The following OR52N4 variants were observed in gnomAD, a reference collection of about 807,000 sequenced individuals.
The protein encoded by OR52N4 is olfactory receptor family 52 subfamily N member 4.
A neutral mutation model predicts 15.0 loss-of-function variants in OR52N4; 15 were observed. The observed-to-expected ratio is 1.00, with a 90% CI of 0.67 to 1.54. The LOEUF (loss-of-function observed/expected upper bound fraction) is 1.54. Ranked by LOEUF, OR52N4 falls within the 40% of genes most tolerant of loss-of-function variation. The pLI is 0.00. For synonymous variants in OR52N4, 143 were observed against 143.7 expected, an observed-to-expected ratio of 1.00 and a Z score of 0.03; for missense variants, 421 against 394.0, an observed-to-expected ratio of 1.07 and a Z score of -0.58.
chr11:5,753,918 G>A (rs11828490), upstream of OR52N4, among the ~76,000 whole-genome samples: 26,086 of 149,434 alleles, frequency 0.17, 2,431 homozygotes, highest in East Asian at 0.25. Context: ...GCTTGAATCC[G>A]GGAGGTGGAG....
upstream of OR52N4, among the ~76,000 whole-genome samples, chr11:5,753,631 G>A (rs1267667391): frequency 1.3e-5 from 2 of 151,994 alleles, no homozygotes; most frequent in Non-Finnish European, 2.9e-5. Flanking sequence ...ATTTTTGTGG[G>A]CACATAGTAG....
chr11:5,740,675 C>T, the OR52N4 span, among the ~76,000 whole-genome samples: 3 of 125,272 alleles, frequency 2.4e-5, no homozygotes, highest in Admixed American at 7.6e-5. Context: ...GGTGTGGTGG[C>T]GCGTGCCTAT....
the OR52N4 span, chr11:5,737,413 T>A: frequency 6.2e-7 from 1 of 1,614,068 alleles, no homozygotes; most frequent in South Asian, 1.1e-5. Context: ...ACCCTACAGT[T>A]TATGCACTTC....
chr11:5,746,768 GTT>G, the OR52N4 span, among the ~76,000 whole-genome samples: 1 of 152,002 alleles, frequency 6.6e-6, no homozygotes, highest in African/African-American at 2.4e-5. Context: ...TAGAACCACA[GTT>G]TGAACCATTA....
At chr11:5,751,249 T>C (rs1345726462), upstream of OR52N4, among the ~76,000 whole-genome samples, 1 of 152,054 alleles carries the variant, frequency 6.6e-6, no homozygotes, top group Non-Finnish European at 1.5e-5. Context: ...TGATGAAATC[T>C]TATACTGCAT....
At chr11:5,736,901 T>G in the OR52N4 span, 1 of 1,614,050 alleles carries the variant, frequency 6.2e-7, no homozygotes. Context: ...CTGCATGGCT[T>G]TTGATAGATA....
upstream of OR52N4, among the ~76,000 whole-genome samples, chr11:5,749,565 C>T (rs1854146727): frequency 1.3e-5 from 2 of 151,878 alleles, no homozygotes; most frequent in African/African-American, 4.8e-5. Context: ...AGAATATTTA[C>T]CCATTACTCT....
At position 5,755,575 on chromosome 11, in the gene OR52N4, G is replaced by A. The variant is rs749683698; in HGVS notation, c.835G>A (p.Val279Ile). The change falls in exon 2 of 2, where the codon GTA becomes ATA. Residue 279 changes from valine to isoleucine, a missense_variant. Coordinates refer to ENST00000641350, the MANE Select transcript of OR52N4 (RefSeq NM_001005175.5). ...AATCCCCCCTTCTTGCCACATCATT[G>A]TAGCCAATATTTATCTGCTCCTACC... ...HIIPPSCHII[V>I]ANIYLLLPPT... The A allele has an allele frequency of 1.4e-5, 22 of 1,612,958 alleles. No homozygotes were observed. The African/African-American group carries it at 2.5e-4, about 19-fold the overall frequency.
At chr11:5,749,468 T>C (rs900697416), upstream of OR52N4, among the ~76,000 whole-genome samples, 8 of 151,978 alleles carry the variant, frequency 5.3e-5, no homozygotes, top group Admixed American at 3.9e-4. Context: ...TGTGTATTTC[T>C]CTGTTTAAAT....
chr11:5,754,942 C>A lies in OR52N4; in HGVS notation c.202C>A (p.Leu68Ile). Reference protein sequence around the residue: ...HKPMYYFLAMLSFTDLVMCSS... With the variant: ...HKPMYYFLAMISFTDLVMCSS... ...ACCCATGTACTACTTCTTGGCCATGCTTTCCTTTACTGACCTTGTTATGTG... is the reference window on the plus strand; with the variant it reads ...ACCCATGTACTACTTCTTGGCCATGATTTCCTTTACTGACCTTGTTATGTG... Residue 68 changes from leucine to isoleucine, a missense_variant, in exon 2 of 2, where the codon CTT (leucine) becomes ATT (isoleucine). Physicochemically the swap from Leu to Ile is conservative, Grantham distance 5 (BLOSUM62 2). Transcript: ENST00000641350. The A allele has an allele frequency of 6.2e-7, 1 of 1,613,830 alleles. No individual in the cohort carries two copies. Among genetic ancestry groups the A allele is most frequent in the Non-Finnish European group, 8.5e-7 (1 of 1,179,828 alleles).
upstream of OR52N4, among the ~76,000 whole-genome samples, chr11:5,749,561 T>C (rs537317302): frequency 2.6e-5 from 4 of 152,030 alleles, no homozygotes; most frequent in South Asian, 6.2e-4. Context: ...CTAGAGAATA[T>C]TTACCCATTA....
chr11:5,743,007 G>A, the OR52N4 span, among the ~76,000 whole-genome samples: 1 of 152,056 alleles, frequency 6.6e-6, no homozygotes, highest in Non-Finnish European at 1.5e-5. Flanking sequence ...CACCCAATGA[G>A]CACAGACATT....
At chr11:5,738,782 G>C in the OR52N4 span, among the ~76,000 whole-genome samples, 2 of 151,130 alleles carry the variant, frequency 1.3e-5, no homozygotes, top group Non-Finnish European at 2.9e-5. Context: ...TTTTTAAATA[G>C]TCCTAAACAA....
the OR52N4 span, chr11:5,734,136 T>G: frequency 2.2e-6 from 1 of 455,340 alleles, no homozygotes; most frequent in Admixed American, 2.4e-5. Context: ...CATTTTTATC[T>G]TGTGTTAAAG....
chr11:5,732,207 C>A, the OR52N4 span, among the ~76,000 whole-genome samples: 10 of 152,266 alleles, frequency 6.6e-5, no homozygotes, highest in South Asian at 1.9e-3. Flanking sequence ...CACCTTTTAT[C>A]CTTTTCAGCA....
the OR52N4 span, among the ~76,000 whole-genome samples, chr11:5,731,006 C>T: frequency 6.6e-6 from 1 of 152,034 alleles, no homozygotes; most frequent in Non-Finnish European, 1.5e-5. Context: ...GGAATCTGTT[C>T]CTTGTAAGAG....
the OR52N4 span, chr11:5,737,552 A>G: frequency 6.8e-7 from 1 of 1,478,964 alleles, no homozygotes; most frequent in Middle Eastern, 1.9e-4. Context: ...TAAAATTTCA[A>G]AGAGGATAAA....
the OR52N4 span, chr11:5,737,861 T>C: frequency 5.9e-6 from 1 of 170,752 alleles, no homozygotes; most frequent in Non-Finnish European, 1.3e-5. Flanking sequence ...TCACAGGTCA[T>C]GCTTGCGCAT....
At chr11:5,732,111 T>G in the OR52N4 span, among the ~76,000 whole-genome samples, 2 of 152,176 alleles carry the variant, frequency 1.3e-5, no homozygotes, top group Non-Finnish European at 2.9e-5. Context: ...GTCACCACGT[T>G]GTACAATAGT....
Sources: allele counts gnomAD v4.1 joint callset (sites outside exome capture counted in the v4.1 genomes callset), GRCh38; gene constraint gnomAD v4.1.1; transcripts MANE v1.5; gene names NCBI Gene and HGNC (gene_info 2026-07-23, HGNC 2026-07-21).